Variants in CRADD observed in about 807,000 individuals in gnomAD.
The protein encoded by CRADD is death domain-containing protein CRADD.
CRADD carries 9 observed loss-of-function variants against 15.5 expected under a neutral mutation model. The ratio of observed to expected loss-of-function variants is 0.58; its 90% CI spans 0.35 to 1.01. The LOEUF (loss-of-function observed/expected upper bound fraction) is 1.01, where lower values mean the gene tolerates loss of function less well. Among genes scored for constraint, CRADD ranks in the 50% least tolerant of loss-of-function variants. CRADD has a pLI of 0.02. For missense variants in CRADD, 227 were observed against 250.3 expected, an observed-to-expected ratio of 0.91 and a Z score of 0.63; for synonymous variants, 118 against 107.6, an observed-to-expected ratio of 1.10 and a Z score of -0.60.
intron 2 of CRADD, among the ~76,000 whole-genome samples, chr12:93,681,390 T>C (rs1412664972): frequency 1.3e-5 from 2 of 152,224 alleles, no homozygotes; most frequent in African/African-American, 4.8e-5. Flanking sequence ...TTGTTAATTC[T>C]GTAGAAGGTT....
At chr12:93,747,760 C>T (rs73220816) in intron 2 of CRADD, among the ~76,000 whole-genome samples, 3,986 of 152,310 alleles carry the variant, frequency 0.026, 76 homozygotes, top group Admixed American at 0.038. Context: ...GCCACCACTC[C>T]TGGCCTAATT....
downstream of CRADD, among the ~76,000 whole-genome samples, chr12:93,853,316 T>A (rs1051630342): frequency 6.6e-6 from 1 of 152,234 alleles, no homozygotes; most frequent in Non-Finnish European, 1.5e-5. Context: ...GATTATATTG[T>A]ACCTGCTGCT....
chr12:93,872,647 A>G lies in CRADD; in HGVS notation c.299-21403A>G, dbSNP rs529267928. Among the ~76,000 whole-genome samples, 3 of 152,220 alleles carry G rather than the reference A, an allele frequency of 2.0e-5. No homozygotes were observed. In the South Asian group the frequency reaches 6.2e-4, roughly 32 times the overall value. On this transcript the variant is annotated intron_variant, in intron 2 of 2. Coordinates refer to the CRADD transcript ENST00000548483. Reference sequence around the variant, plus strand: ...ATGGATATCCAGTTTTCCTAACACCATTTGTTGAAGAGACTATCTTTTCCC... The same window carrying G: ...ATGGATATCCAGTTTTCCTAACACCGTTTGTTGAAGAGACTATCTTTTCCC...
At chr12:93,734,359 TGAG>T (rs1425779893) in intron 2 of CRADD, among the ~76,000 whole-genome samples, 1 of 152,206 alleles carries the variant, frequency 6.6e-6, no homozygotes, top group African/African-American at 2.4e-5. Flanking sequence ...ATTTGCTAGA[TGAG>T]GAAACAAAAA....
intron 2 of CRADD, among the ~76,000 whole-genome samples, chr12:93,833,208 A>G (rs1281664320): frequency 6.6e-6 from 1 of 152,252 alleles, no homozygotes; most frequent in Non-Finnish European, 1.5e-5. Flanking sequence ...TTTAAAAATA[A>G]GCCTCATTAA....
rs151122614 is a variant in CRADD, at chr12:93,711,158, G to A, written c.298+32086G>A. Among the ~76,000 whole-genome samples the A allele has an allele frequency of 3.1e-4, 47 of 151,086 alleles. 1 individual carries two copies. Among genetic ancestry groups the A allele is most frequent in the African/African-American group, 9.0e-4 (37 of 41,108 alleles). The stretch of plus-strand genomic sequence containing the variant: ...AATCAAAAGCCAAAGGAATCTGAAG[G>A]GGGTCCTCAGCTCTTCTCTGGGTCT... On this transcript the variant is annotated intron_variant, in intron 2 of 2. Coordinates refer to ENST00000332896, the MANE Select transcript of CRADD (RefSeq NM_003805.5).
chr12:93,790,998 A>G (rs1009769443), intron 2 of CRADD, among the ~76,000 whole-genome samples: 10 of 151,546 alleles, frequency 6.6e-5, no homozygotes, highest in Admixed American at 6.6e-4. Flanking sequence ...CTGCCTTTTC[A>G]TTCATACATT....
At chr12:93,800,219 G>A (rs920213872) in intron 2 of CRADD, among the ~76,000 whole-genome samples, 1 of 152,162 alleles carries the variant, frequency 6.6e-6, no homozygotes, top group Non-Finnish European at 1.5e-5. Flanking sequence ...GGGACTGGGG[G>A]TGTATAGGGT....
At chr12:93,894,197 T>C (rs1052888389) in exon 3 of CRADD, 9 of 697,060 alleles carry the variant, frequency 1.3e-5, no homozygotes, top group Non-Finnish European at 2.4e-5. Context: ...TCAAGGGCGA[T>C]TTTGCCTTCC....
At chr12:93,702,654 A>C (rs1016617168) in intron 2 of CRADD, among the ~76,000 whole-genome samples, 1 of 150,706 alleles carries the variant, frequency 6.6e-6, no homozygotes, top group African/African-American at 2.4e-5. Context: ...CTGTTCTTTG[A>C]CTCCTTTTCT....
chr12:93,780,504 T>TCAAG (rs1488088141), intron 2 of CRADD, among the ~76,000 whole-genome samples: 1 of 152,210 alleles, frequency 6.6e-6, no homozygotes, highest in Non-Finnish European at 1.5e-5. Context: ...GGGATTCAGA[T>TCAAG]CAAGGTCTGA....
At position 93,731,967 on chromosome 12, in the gene CRADD, T is replaced by A. The variant is rs564829618; in HGVS notation, c.298+52895T>A. On this transcript the variant is annotated intron_variant, in intron 2 of 2. Transcript: ENST00000332896. ...GATTGACCAACATGGAGAAACTCCA[T>A]CTCTACTAAAAATATAAAATTAGCC... 4.6e-5 allele frequency among the ~76,000 whole-genome samples: 7 copies of A among 152,078 alleles called. No homozygotes were observed. In the South Asian group the frequency reaches 1.0e-3, roughly 23 times the overall value.
At chr12:93,759,828 G>A (rs1350015668) in intron 2 of CRADD, among the ~76,000 whole-genome samples, 1 of 152,194 alleles carries the variant, frequency 6.6e-6, no homozygotes, top group Non-Finnish European at 1.5e-5. Context: ...AGTTGCCAAA[G>A]GAAAATGGGA....
chr12:93,791,102 C>T (rs1032503043), intron 2 of CRADD, among the ~76,000 whole-genome samples: 5 of 152,016 alleles, frequency 3.3e-5, no homozygotes, highest in African/African-American at 1.2e-4. Flanking sequence ...TTATGGAAAA[C>T]AGTATGGAAT....
intron 2 of CRADD, among the ~76,000 whole-genome samples, chr12:93,753,732 A>G (rs1173506765): frequency 6.6e-6 from 1 of 152,242 alleles, no homozygotes; most frequent in Non-Finnish European, 1.5e-5. Context: ...TGCTGGATGT[A>G]AGAGGTGGTC....
intron 2 of CRADD, among the ~76,000 whole-genome samples, chr12:93,799,884 A>G (rs1178612789): frequency 1.3e-5 from 2 of 152,226 alleles, no homozygotes; most frequent in Non-Finnish European, 2.9e-5. Context: ...GATATAGTGC[A>G]TGGATCTCAT....
intron 2 of CRADD, among the ~76,000 whole-genome samples, chr12:93,779,389 T>C (rs887475163): frequency 6.6e-6 from 1 of 151,900 alleles, no homozygotes; most frequent in Admixed American, 6.6e-5. Context: ...AAGTTGGACA[T>C]AACCAAATAG....
intron 2 of CRADD, among the ~76,000 whole-genome samples, chr12:93,813,945 G>A (rs555008608): frequency 6.6e-6 from 1 of 152,240 alleles, no homozygotes; most frequent in South Asian, 2.1e-4. Context: ...TACCGAGAGT[G>A]CCACAGAGCA....
At chr12:93,704,008 T>TG (rs1243068396) in intron 2 of CRADD, among the ~76,000 whole-genome samples, 1 of 121,282 alleles carries the variant, frequency 8.2e-6, no homozygotes, top group African/African-American at 3.1e-5. Flanking sequence ...TTTGTAGAGA[T>TG]GGGGGTTCCA....
Sources: allele counts gnomAD v4.1 joint callset (sites outside exome capture counted in the v4.1 genomes callset), GRCh38; gene constraint gnomAD v4.1.1; transcripts MANE v1.5; gene names NCBI Gene and HGNC (gene_info 2026-07-23, HGNC 2026-07-21).